TNFSF4: variants seen among roughly 807,000 people sequenced by gnomAD.
TNFSF4 encodes tumor necrosis factor ligand superfamily member 4.
TNFSF4 carries 4 observed loss-of-function variants against 7.3 expected under a neutral mutation model. The observed-to-expected ratio is 0.55, with a 90% CI of 0.27 to 1.25. The LOEUF (loss-of-function observed/expected upper bound fraction) is 1.25. Ranked by LOEUF, TNFSF4 falls within the 50% of genes most tolerant of loss-of-function variation. The pLI is 0.12. For synonymous variants in TNFSF4, 76 were observed against 83.7 expected (o/e 0.91, Z 0.50); for missense variants, 181 against 208.8 (o/e 0.87, Z 0.82).
At chr1:173,308,263 CTCTT>C in the TNFSF4 span, among the ~76,000 whole-genome samples, 1 of 116,222 alleles carries the variant, frequency 8.6e-6, no homozygotes, top group Non-Finnish European at 1.8e-5. Flanking sequence ...ACTCCTCTCT[CTCTT>C]TCTCTCTCTC....
chr1:173,316,402 T>G, the TNFSF4 span, among the ~76,000 whole-genome samples: 2 of 152,108 alleles, frequency 1.3e-5, no homozygotes, highest in African/African-American at 2.4e-5. Flanking sequence ...TTTTCTAAAA[T>G]GCTTTGTACT....
chr1:173,281,483 T>C, the TNFSF4 span, among the ~76,000 whole-genome samples: 2 of 152,182 alleles, frequency 1.3e-5, no homozygotes, highest in African/African-American at 4.8e-5. Flanking sequence ...ATTTCATTTA[T>C]ATGTCATCAT....
chr1:173,320,734 A>G, the TNFSF4 span, among the ~76,000 whole-genome samples: 2 of 152,320 alleles, frequency 1.3e-5, no homozygotes, highest in East Asian at 3.9e-4. Context: ...CACAATTGCT[A>G]TGAAGAGAAT....
chr1:173,288,585 T>C, the TNFSF4 span, among the ~76,000 whole-genome samples: 5,009 of 152,282 alleles, frequency 0.033, 263 homozygotes, highest in African/African-American at 0.12. Flanking sequence ...ACATGTGAAA[T>C]GTTTGTAAGA....
At chr1:173,402,645 TC>T in the TNFSF4 span, among the ~76,000 whole-genome samples, 2 of 152,194 alleles carry the variant, frequency 1.3e-5, no homozygotes, top group Admixed American at 1.3e-4. Flanking sequence ...TTCAAGGTCA[TC>T]ACCATGTTCA....
At chr1:173,253,972 T>A in the TNFSF4 span, among the ~76,000 whole-genome samples, 2 of 152,180 alleles carry the variant, frequency 1.3e-5, no homozygotes, top group African/African-American at 4.8e-5. Flanking sequence ...AGGCATTAGG[T>A]CTACTATTGA....
chr1:173,215,206 G>T, the TNFSF4 span, among the ~76,000 whole-genome samples: 1 of 152,062 alleles, frequency 6.6e-6, no homozygotes, highest in East Asian at 1.9e-4. Flanking sequence ...GCCAAGAAAA[G>T]AACCCTCACC....
the TNFSF4 span, among the ~76,000 whole-genome samples, chr1:173,309,335 A>G: frequency 6.6e-6 from 1 of 151,848 alleles, no homozygotes; most frequent in East Asian, 1.9e-4. Context: ...ATTAAGAATG[A>G]TCTTTGCTAT....
At chr1:173,265,044 A>G in the TNFSF4 span, among the ~76,000 whole-genome samples, 1 of 152,228 alleles carries the variant, frequency 6.6e-6, no homozygotes, top group Non-Finnish European at 1.5e-5. Flanking sequence ...AAAATAAAAC[A>G]AACAAAAAAC....
chr1:173,262,804 G>C, the TNFSF4 span, among the ~76,000 whole-genome samples: 1 of 152,022 alleles, frequency 6.6e-6, no homozygotes, highest in African/African-American at 2.4e-5. Context: ...GTTTCACCGT[G>C]TTAGCCAGGA....
At chr1:173,432,295 T>C in the TNFSF4 span, among the ~76,000 whole-genome samples, 1 of 152,218 alleles carries the variant, frequency 6.6e-6, no homozygotes, top group Non-Finnish European at 1.5e-5. Context: ...ATGAAATGAA[T>C]TGTGTACCTC....
the TNFSF4 span, among the ~76,000 whole-genome samples, chr1:173,275,717 G>A: frequency 6.6e-6 from 1 of 152,118 alleles, no homozygotes; most frequent in African/African-American, 2.4e-5. Context: ...GGGAAAAAAA[G>A]TTGTTGACAA....
the TNFSF4 span, among the ~76,000 whole-genome samples, chr1:173,401,866 T>C: frequency 6.6e-6 from 1 of 152,256 alleles, no homozygotes; most frequent in Non-Finnish European, 1.5e-5. Flanking sequence ...AGTCCATTTG[T>C]TGAAAAATGC....
chr1:173,412,532 C>T, the TNFSF4 span, among the ~76,000 whole-genome samples: 2 of 152,160 alleles, frequency 1.3e-5, no homozygotes, highest in African/African-American at 4.8e-5. Context: ...AAAAAGACAT[C>T]GTTAGGAGAG....
chr1:173,179,505 A>G (rs1024446624), downstream of TNFSF4, among the ~76,000 whole-genome samples: 1 of 152,180 alleles, frequency 6.6e-6, no homozygotes, highest in Non-Finnish European at 1.5e-5. Flanking sequence ...CTTGACATCT[A>G]TACACACCCC....
chr1:173,317,005 C>G, the TNFSF4 span, among the ~76,000 whole-genome samples: 1 of 152,290 alleles, frequency 6.6e-6, no homozygotes, highest in South Asian at 2.1e-4. Context: ...GTTTTAGTGA[C>G]TTACATAACC....
chr1:173,351,494 C>T, the TNFSF4 span, among the ~76,000 whole-genome samples: 3 of 152,176 alleles, frequency 2.0e-5, no homozygotes, highest in Non-Finnish European at 4.4e-5. Context: ...GTTGTTGCTT[C>T]GGTCAGAAGT....
chr1:173,250,723 T>G, the TNFSF4 span, among the ~76,000 whole-genome samples: 1 of 151,978 alleles, frequency 6.6e-6, no homozygotes, highest in Non-Finnish European at 1.5e-5. Flanking sequence ...CCTCCCAAAG[T>G]GCTGGGATTA....
At chr1:173,398,859 T>C in the TNFSF4 span, among the ~76,000 whole-genome samples, 3 of 152,356 alleles carry the variant, frequency 2.0e-5, no homozygotes, top group Admixed American at 6.5e-5. Flanking sequence ...TGGGCCTCTT[T>C]GGATTCTGGA....
Sources: gnomAD v4.1 joint callset for allele counts (sites outside exome capture counted in the v4.1 genomes callset) on GRCh38, gnomAD v4.1.1 for gene constraint, MANE v1.5 for transcripts, NCBI Gene and HGNC (gene_info 2026-07-23, HGNC 2026-07-21) for gene names.